Variants in RNASEK observed in about 807,000 individuals in gnomAD.
The protein encoded by RNASEK is ribonuclease K.
A neutral mutation model predicts 11.2 loss-of-function variants in RNASEK; 7 were observed. The ratio of observed to expected loss-of-function variants is 0.62; its 90% CI spans 0.35 to 1.17. The LOEUF (loss-of-function observed/expected upper bound fraction) is 1.17, where lower values mean the gene tolerates loss of function less well. Among genes scored for constraint, RNASEK ranks in the 50% most tolerant of loss-of-function variants. The pLI is 0.02. For synonymous variants in RNASEK, 46 were observed against 49.5 expected (o/e 0.93, Z 0.30); for missense variants, 101 against 126.7 (o/e 0.80, Z 0.97).
intron 2 of RNASEK, 124 bp downstream of exon 2, chr17:7,013,866 C>A: frequency 1.2e-6 from 1 of 859,218 alleles, no homozygotes; most frequent in Admixed American, 1.9e-5. Context: ...GAGAGGAGAG[C>A]GGCTTTCTTG....
chr17:7,014,182 G>A lies in RNASEK; in HGVS notation c.193G>A (p.Val65Ile). Reference protein sequence around the residue: ...PQNIYNLYEQVSYNCFIAAGL... With the variant: ...PQNIYNLYEQISYNCFIAAGL... ...GAACATATACAACCTTTACGAGCAA[G>A]TCAGCTACAACTGTTTCATCGCTGC... is the stretch of plus-strand genomic sequence containing the variant. The change falls in exon 3 of 3, where the codon GTC becomes ATC. Residue 65 changes from valine (V) to isoleucine (I), a missense_variant. Transcript: ENST00000593646. This position sits in a 1 kb window ranked among gnomAD's most constrained non-coding sequence, Gnocchi z 4.5. The A allele has an allele frequency of 2.5e-6, 4 of 1,581,786 alleles. No homozygotes were observed. The highest frequency in any genetic ancestry group is 3.4e-6 in the Non-Finnish European group (4 of 1,163,520).
chr17:7,014,248 G>A lies in RNASEK; in HGVS notation c.259G>A (p.Val87Ile), dbSNP rs773964150. The part of the protein sequence containing the change: ...LLLGGFSFCQ[V>I]RLNKRKEYMV... Reference sequence around the variant, plus strand: ...CCTCGGAGGCTTCTCTTTCTGCCAAGTTCGGCTCAATAAGCGCAAGGAATA... The same window carrying A: ...CCTCGGAGGCTTCTCTTTCTGCCAAATTCGGCTCAATAAGCGCAAGGAATA... The change falls in exon 3 of 3, where the codon GTT becomes ATT. Residue 87 changes from valine to isoleucine, a missense_variant. Coordinates refer to ENST00000593646, the MANE Select transcript of RNASEK (RefSeq NM_001004333.5). The surrounding 1 kb of genome is among the most constrained non-coding windows in gnomAD (Gnocchi z 4.5). 6.2e-7 allele frequency: 1 copy of A among 1,613,512 alleles called. No individual in the cohort carries two copies. The highest frequency in any genetic ancestry group is 8.5e-7 in the Non-Finnish European group (1 of 1,179,772).
chr17:7,013,407 G>C (rs1015267270), intron 1 of RNASEK: 2 of 1,535,722 alleles, frequency 1.3e-6, no homozygotes, highest in Non-Finnish European at 1.7e-6. Flanking sequence ...TGATGATGAC[G>C]CCTCCAGAGA....
rs1909648167 is a variant in RNASEK, at chr17:7,014,275, A to C, written c.286A>C (p.Met96Leu). 6.2e-7 allele frequency: 1 copy of C among 1,613,800 alleles called. No homozygotes were observed. Among genetic ancestry groups the C allele is most frequent in the Non-Finnish European group, 8.5e-7 (1 of 1,179,846 alleles). Residue 96 changes from methionine (M) to leucine (L), a missense_variant, in exon 3 of 3, where the codon ATG becomes CTG. By Grantham distance (15) the Met-to-Leu change is conservative. Coordinates refer to ENST00000593646, the MANE Select transcript of RNASEK (RefSeq NM_001004333.5). The surrounding 1 kb of genome is among the most constrained non-coding windows in gnomAD (Gnocchi z 4.5). The stretch of plus-strand genomic sequence containing the variant: ...TCGGCTCAATAAGCGCAAGGAATAC[A>C]TGGTGCGCTAGGGCCCCGGCGCGTT... ...QVRLNKRKEY[M>L]VR
chr17:7,013,395 C>A (rs1234032713), intron 1 of RNASEK: 2 of 1,535,642 alleles, frequency 1.3e-6, no homozygotes, highest in African/African-American at 2.7e-5. Flanking sequence ...CGCACTGTCC[C>A]GTGATGATGA....
At position 7,013,594 on chromosome 17, in the gene RNASEK, T is replaced by C. The variant is rs760367790; in HGVS notation, c.79-72T>C. ...TCGGGTGTTGTAGCAACATTGGAAA[T>C]GGGAGGGGTTTACGAAGTGAACATG... On this transcript the variant is annotated intron_variant, in intron 1 of 2. Coordinates refer to ENST00000593646, the MANE Select transcript of RNASEK (RefSeq NM_001004333.5). 6 of 1,597,888 alleles carry C rather than the reference T, an allele frequency of 3.8e-6. No individual in the cohort carries two copies. In the South Asian group the frequency reaches 5.5e-5, roughly 15 times the overall value.
Position 7,014,220 on chromosome 17 carries a change from C to T in RNASEK, c.231C>T (p.Leu77=), listed in dbSNP as rs1369540138. Residue 77 remains leucine (L), a synonymous_variant, in exon 3 of 3, where the codon CTC becomes CTT. Transcript: ENST00000593646. This position sits in a 1 kb window ranked among gnomAD's most constrained non-coding sequence, Gnocchi z 4.5. Reference sequence around the variant, plus strand: ...GTTTCATCGCTGCAGGCCTTTACCTCCTCCTCGGAGGCTTCTCTTTCTGCC... The same window carrying T: ...GTTTCATCGCTGCAGGCCTTTACCTTCTCCTCGGAGGCTTCTCTTTCTGCC... ...YNCFIAAGLY[L]LLGGFSFCQV... 2 of 1,611,204 alleles carry T rather than the reference C, an allele frequency of 1.2e-6. No individual in the cohort carries two copies. The highest frequency in any genetic ancestry group is 1.7e-6 in the Non-Finnish European group (2 of 1,178,692).
At chr17:7,012,828 C>T (rs977941578) in intron 1 of RNASEK, 67 bp downstream of exon 1, 1 of 1,461,096 alleles carries the variant, frequency 6.8e-7, no homozygotes, top group Non-Finnish European at 9.4e-7. Flanking sequence ...GGCTGGGAGG[C>T]GAGGAAACTC....
In RNASEK at chr17:7,012,653, T is replaced by G. The variant is rs747092121; in HGVS notation, c.-31T>G. 3.1e-6 allele frequency: 5 copies of G among 1,611,080 alleles called. No homozygotes were observed. Among genetic ancestry groups the G allele is most frequent in the Admixed American group, 1.7e-5 (1 of 59,968 alleles). On this transcript the variant is annotated 5_prime_UTR_variant, in exon 1 of 3. Transcript: ENST00000593646. ...TCTCCCACCGCTTTCCGAGCCCGCT[T>G]GCACCTCGGCGATCCCCGACTCCCT...
Position 7,014,352 on chromosome 17 carries a change from A to C in RNASEK, c.*66A>C. The C allele has an allele frequency of 6.4e-7, 1 of 1,566,338 alleles. No homozygotes were observed. Among genetic ancestry groups the C allele is most frequent in the Non-Finnish European group, 8.7e-7 (1 of 1,145,174 alleles). On this transcript the variant is annotated 3_prime_UTR_variant, in exon 3 of 3. Coordinates refer to ENST00000593646, the MANE Select transcript of RNASEK (RefSeq NM_001004333.5). The surrounding 1 kb of genome is among the most constrained non-coding windows in gnomAD (Gnocchi z 4.5). ...AAAGACTCCCTGCACCGTGTCACCC[A>C]GGTCGCGTCCCACCCTTGCCGGCGC...
intron 1 of RNASEK, chr17:7,013,268 GA>G: frequency 7.3e-7 from 1 of 1,364,332 alleles, no homozygotes; most frequent in Non-Finnish European, 9.8e-7. Context: ...GACATGGGAG[GA>G]AAAGAGAGTG....
At chr17:7,013,954 T>A in intron 2 of RNASEK, 191 bp from the exon 3 acceptor site, 1 of 691,382 alleles carries the variant, frequency 1.4e-6, no homozygotes. Context: ...CCTCTTTAGG[T>A]ATTTTACTTT....
At chr17:7,012,868 G>T (rs1261964270) in intron 1 of RNASEK, 107 bp downstream of exon 1, 2 of 942,624 alleles carry the variant, frequency 2.1e-6, no homozygotes, top group Non-Finnish European at 3.2e-6. Flanking sequence ...AGGGGCCGGG[G>T]ATCTACAGGC....
intron 1 of RNASEK, chr17:7,012,998 G>A: frequency 1.9e-6 from 1 of 536,290 alleles, no homozygotes; most frequent in Non-Finnish European, 3.3e-6. Flanking sequence ...GGTGGCGCCC[G>A]CCTGTAATCC....
chr17:7,013,119 C>A (rs1909535824), intron 1 of RNASEK: 6 of 454,006 alleles, frequency 1.3e-5, no homozygotes, highest in Middle Eastern at 6.0e-4. Context: ...AGCGAGACTC[C>A]GTCCCCAAAG....
In RNASEK at chr17:7,014,150, GCC is replaced by G; in HGVS notation, c.165_166del (p.Gln56GlufsTer35). The G allele has an allele frequency of 6.4e-7, 1 of 1,555,324 alleles. No individual in the cohort carries two copies. Among genetic ancestry groups the G allele is most frequent in the East Asian group, 2.4e-5 (1 of 41,194 alleles). On this transcript the variant is annotated frameshift_variant, in exon 3 of 3. Coordinates refer to ENST00000593646, the MANE Select transcript of RNASEK (RefSeq NM_001004333.5). LOFTEE classifies it high-confidence loss of function. This position sits in a 1 kb window ranked among gnomAD's most constrained non-coding sequence, Gnocchi z 4.5. ...TGCTTCATTCCCACCCCCAGGAATG[GCC>G]CCCAGAACATATACAACCTTTACGA... is the stretch of plus-strand genomic sequence containing the variant.
chr17:7,013,129 GA>G, intron 1 of RNASEK: 1 of 468,240 alleles, frequency 2.1e-6, no homozygotes, highest in Non-Finnish European at 3.8e-6. Context: ...CGTCCCCAAA[GA>G]AAAAGAAAAA....
chr17:7,013,016 T>G, intron 1 of RNASEK: 1 of 510,156 alleles, frequency 2.0e-6, no homozygotes, highest in Middle Eastern at 5.3e-4. Context: ...TCCCAGCTAC[T>G]CAGGAGGCTG....
In RNASEK at chr17:7,012,750, G is replaced by A. The variant is rs1320989651; in HGVS notation, c.67G>A (p.Val23Met). The A allele has an allele frequency of 1.9e-6, 3 of 1,612,974 alleles. No homozygotes were observed. The Admixed American group carries it at 5.0e-5, about 27-fold the overall frequency. Residue 23 changes from valine (V) to methionine (M), a missense_variant, in exon 1 of 3, where the codon GTG becomes ATG. By Grantham distance (21) the Val-to-Met change is conservative. Coordinates refer to ENST00000593646, the MANE Select transcript of RNASEK (RefSeq NM_001004333.5). Reference sequence around the variant, plus strand: ...CGGCATCGTCCTCAGCGCCTGGGGAGTGATCATGTTGGTGAGGGGACTCCC... The same window carrying A: ...CGGCATCGTCCTCAGCGCCTGGGGAATGATCATGTTGGTGAGGGGACTCCC... ...ACGIVLSAWGVIMLIMLGIFF... is the reference protein window; with the variant it reads ...ACGIVLSAWGMIMLIMLGIFF...
Sources: allele counts gnomAD v4.1 joint callset, GRCh38; gene constraint gnomAD v4.1.1; non-coding constraint Gnocchi (gnomAD v3.1); transcripts MANE v1.5; gene names NCBI Gene and HGNC (gene_info 2026-07-23, HGNC 2026-07-21).